DDX53: variants seen among roughly 807,000 people sequenced by gnomAD.
The protein encoded by DDX53 is DEAD-box helicase 53, also known as DEAD box protein 53.
For synonymous variants in DDX53, 179 were observed against 170.8 expected (o/e 1.05, Z -0.37); for missense variants, 481 against 485.1 (o/e 0.99, Z 0.08).
Position 23,000,317 on chromosome X carries a change from G to T in DDX53, c.260G>T (p.Gly87Val). 8.3e-7 allele frequency: 1 copy of T among 1,207,395 alleles called. No homozygotes were observed. Among genetic ancestry groups the T allele is most frequent in the Non-Finnish European group, 1.1e-6 (1 of 894,161 alleles). Reference protein sequence around the residue: ...STNTKIQIINGESEAKVRIFG... With the variant: ...STNTKIQIINVESEAKVRIFG... ...AACACTAAAATACAGATCATAAACG[G>T]GGAATCTGAAGCAAAAGTCAGAATT... The change falls in exon 1 of 1, where the codon GGG becomes GTG. Residue 87 changes from glycine to valine, a missense_variant. Physicochemically the swap from Gly to Val is moderately radical, Grantham distance 109. Coordinates refer to ENST00000327968, the MANE Select transcript of DDX53 (RefSeq NM_182699.4).
Position 23,002,059 on chromosome X carries a change from T to A in DDX53, c.*106T>A. ...CATACTAGCCATTTGAAGACATAAC[T>A]AATTCTTAAATAATACTGCTAAACT... On this transcript the variant is annotated 3_prime_UTR_variant, in exon 1 of 1. Coordinates refer to ENST00000327968, the MANE Select transcript of DDX53 (RefSeq NM_182699.4). The A allele has an allele frequency of 1.5e-6, 1 of 646,437 alleles. No homozygotes were observed. Among genetic ancestry groups the A allele is most frequent in the Non-Finnish European group, 2.2e-6 (1 of 445,923 alleles). 53.3% of individuals were successfully genotyped at this position (646,437 alleles called of 1,213,427 possible).
chrX:23,000,080 G>A lies in DDX53; in HGVS notation c.23G>A (p.Trp8Ter), dbSNP rs1431405884. The A allele has an allele frequency of 8.9e-7, 1 of 1,124,529 alleles. No individual in the cohort carries two copies. The highest frequency in any genetic ancestry group is 1.8e-5 in the African/African-American group (1 of 54,220). 92.7% of individuals were successfully genotyped at this position (1,124,529 alleles called of 1,213,427 possible). A position where few individuals can be genotyped will look rare whatever the true frequency, so the allele number is the denominator to read the frequency against. MSHWAPE[W>*]KRAEANPRDL... Reference sequence around the variant, plus strand: ...ACAATGTCCCACTGGGCCCCAGAGTGGAAGAGGGCGGAGGCTAATCCAAGA... The same window carrying A: ...ACAATGTCCCACTGGGCCCCAGAGTAGAAGAGGGCGGAGGCTAATCCAAGA... Residue 8 changes from tryptophan (W) to a stop codon, truncating the protein, a stop_gained, in exon 1 of 1, where the codon TGG becomes TAG. Transcript: ENST00000327968. LOFTEE classifies it low-confidence loss of function (END_TRUNC).
rs1041423041 is a variant in DDX53, at chrX:23,000,559, T to A, written c.502T>A (p.Trp168Arg). The A allele has an allele frequency of 1.2e-5, 14 of 1,208,691 alleles. No individual in the cohort carries two copies. The South Asian group carries it at 2.3e-4, about 20-fold the overall frequency. ...AAVVECEKRK[W>R]ADLPPVKKNF... ...AGTCGTGGAGTGCGAAAAGAGAAAA[T>A]GGGCAGATCTACCACCAGTTAAGAA... is the stretch of plus-strand genomic sequence containing the variant. The change falls in exon 1 of 1, where the codon TGG becomes AGG. Residue 168 changes from tryptophan (W) to arginine (R), a missense_variant. Coordinates refer to ENST00000327968, the MANE Select transcript of DDX53 (RefSeq NM_182699.4).
Position 23,000,371 on chromosome X carries a change from C to T in DDX53, c.314C>T (p.Ala105Val). 8.3e-7 allele frequency: 1 copy of T among 1,208,747 alleles called. No homozygotes were observed. Among genetic ancestry groups the T allele is most frequent in the East Asian group, 3.0e-5 (1 of 33,809 alleles). The change falls in exon 1 of 1, where the codon GCC becomes GTC. Residue 105 changes from alanine to valine, a missense_variant. Physicochemically the swap from Ala to Val is moderately conservative, Grantham distance 64. Coordinates refer to ENST00000327968, the MANE Select transcript of DDX53 (RefSeq NM_182699.4). ...IFGNREMKAK[A>V]KAAIETLIRK... ...GGCAATAGGGAAATGAAAGCAAAGG[C>T]CAAAGCGGCTATAGAAACACTTATT...
In DDX53 at chrX:23,000,910, G is replaced by T; in HGVS notation, c.853G>T (p.Asp285Tyr). The T allele has an allele frequency of 8.3e-7, 1 of 1,209,698 alleles. No individual in the cohort carries two copies. ...TCTAATGCCTGGGTTTATTCATCTT[G>T]ATTCTCAACCAATATCTAGAGAGCA... Reference protein sequence around the residue: ...SYLMPGFIHLDSQPISREQRN... With the variant: ...SYLMPGFIHLYSQPISREQRN... The change falls in exon 1 of 1, where the codon GAT becomes TAT. Residue 285 changes from aspartate to tyrosine, a missense_variant. Transcript: ENST00000327968.
rs371119636 is a variant in DDX53, at chrX:23,000,811, G to A, written c.754G>A (p.Ala252Thr). The A allele has an allele frequency of 4.1e-6, 5 of 1,211,859 alleles. No individual in the cohort carries two copies. Among genetic ancestry groups the A allele is most frequent in the Non-Finnish European group, 5.6e-6 (5 of 895,490 alleles). The change falls in exon 1 of 1, where the codon GCA (alanine) becomes ACA (threonine). Residue 252 changes from alanine (A) to threonine (T), a missense_variant. Ala to Thr is a moderately conservative substitution (Grantham distance 58, BLOSUM62 0). Transcript: ENST00000327968. ...IVKPTPIQSQ[A>T]WPIILQGIDL... is the part of the protein sequence containing the mutation. Reference sequence around the variant, plus strand: ...AAAGCCAACGCCAATTCAGTCACAGGCATGGCCAATTATTCTACAAGGAAT... The same window carrying A: ...AAAGCCAACGCCAATTCAGTCACAGACATGGCCAATTATTCTACAAGGAAT...
rs1259309706 is a variant in DDX53 at position 23,002,549 on chromosome X, T to C, written c.*596T>C. 8.5e-6 allele frequency: 1 copy of C among 117,832 alleles called. No homozygotes were observed. Among genetic ancestry groups the C allele is most frequent in the East Asian group, 2.9e-4 (1 of 3,396 alleles). 9.7% of individuals were successfully genotyped at this position (117,832 alleles called of 1,213,427 possible). ...TGAAGAGAAAGTAAATGTTACGTGT[T>C]GGTTAAAGTTTAATTTCTCTTAAAA... On this transcript the variant is annotated 3_prime_UTR_variant, in exon 1 of 1. Transcript: ENST00000327968.
Position 22,999,977 on chromosome X carries a change from G to A in DDX53, c.-81G>A, listed in dbSNP as rs1933779992. The A allele has an allele frequency of 1.2e-6, 1 of 848,446 alleles. No homozygotes were observed. Among genetic ancestry groups the A allele is most frequent in the Non-Finnish European group, 1.5e-6 (1 of 649,160 alleles). 69.9% of individuals were successfully genotyped at this position (848,446 alleles called of 1,213,427 possible). A position where few individuals can be genotyped will look rare whatever the true frequency, so the allele number is the denominator to read the frequency against. On this transcript the variant is annotated 5_prime_UTR_variant, in exon 1 of 1. In the 5' UTR this introduces an upstream ATG that the reference lacks. Transcript: ENST00000327968. ...CCACCGCCATCTTTTGGTGCAGAAG[G>A]TGACGGGAAACAGGCCGCAGACCTG... is the stretch of plus-strand genomic sequence containing the variant.
rs1036606790 is a variant in DDX53, at chrX:23,001,458, C to A, written c.1401C>A (p.Asn467Lys). 1 of 1,210,833 alleles carries A rather than the reference C, an allele frequency of 8.3e-7. No individual in the cohort carries two copies. Among genetic ancestry groups the A allele is most frequent in the Non-Finnish European group, 1.1e-6 (1 of 894,950 alleles). Residue 467 changes from asparagine to lysine, a missense_variant, in exon 1 of 1, where the codon AAC becomes AAA. Transcript: ENST00000327968. ...AATTCGTAGAGAACATGTCACCCAA[C>A]GACAAAGTCATCATGTTTGTCAGCC... ...TQEFVENMSP[N>K]DKVIMFVSQK...
chrX:23,001,859 C>G lies in DDX53; in HGVS notation c.1802C>G (p.Ala601Gly). ...GTTCCGGAAGATCTTGTAGTAATGG[C>G]TGAGCAATACAAGTTAAATCAACAA... Reference protein sequence around the residue: ...QSVPEDLVVMAEQYKLNQQKR... With the variant: ...QSVPEDLVVMGEQYKLNQQKR... Residue 601 changes from alanine to glycine, a missense_variant, in exon 1 of 1, where the codon GCT (alanine) becomes GGT (glycine). Coordinates refer to ENST00000327968, the MANE Select transcript of DDX53 (RefSeq NM_182699.4). 4.1e-6 allele frequency: 5 copies of G among 1,210,316 alleles called. No homozygotes were observed. The highest frequency in any genetic ancestry group is 5.6e-6 in the Non-Finnish European group (5 of 894,831).
rs376545166 is a variant in DDX53, at chrX:23,001,832, G to A, written c.1775G>A (p.Ser592Asn). Reference protein sequence around the residue: ...LIKILDRANQSVPEDLVVMAE... With the variant: ...LIKILDRANQNVPEDLVVMAE... ...AAAATTCTGGACAGAGCAAATCAGA[G>A]TGTTCCGGAAGATCTTGTAGTAATG... Residue 592 changes from serine to asparagine, a missense_variant, in exon 1 of 1, where the codon AGT becomes AAT. Physicochemically the swap from Ser to Asn is conservative, Grantham distance 46. Transcript: ENST00000327968. 2.5e-6 allele frequency: 3 copies of A among 1,211,619 alleles called. No homozygotes were observed. Among genetic ancestry groups the A allele is most frequent in the Non-Finnish European group, 2.2e-6 (2 of 895,414 alleles).
rs1319049258 is a variant in DDX53 at position 23,003,157 on chromosome X, G to C, written c.*1204G>C. 8.1e-6 allele frequency: 1 copy of C among 124,000 alleles called. No individual in the cohort carries two copies. Among genetic ancestry groups the C allele is most frequent in the Non-Finnish European group, 1.9e-5 (1 of 53,406 alleles). The allele number at this position is 124,000 out of a possible 1,213,427, so 10.2% of individuals were successfully genotyped here. On this transcript the variant is annotated 3_prime_UTR_variant, in exon 1 of 1. Coordinates refer to ENST00000327968, the MANE Select transcript of DDX53 (RefSeq NM_182699.4). The stretch of plus-strand genomic sequence containing the variant: ...ATAGCTTCAAGCTTATCCAGTCAAA[G>C]TATTCTCTTTTCCCCCGAGCAGTTG...
Position 23,002,235 on chromosome X carries a change from G to A in DDX53, c.*282G>A. On this transcript the variant is annotated 3_prime_UTR_variant, in exon 1 of 1. Coordinates refer to ENST00000327968, the MANE Select transcript of DDX53 (RefSeq NM_182699.4). ...TTTAGGTTTGGGGGTATATGTGAAG[G>A]TTTGTTAAAGAAACACGTGCCATGG... 1 of 220,935 alleles carries A rather than the reference G, an allele frequency of 4.5e-6. No individual in the cohort carries two copies. The highest frequency in any genetic ancestry group is 1.5e-3 in the Middle Eastern group (1 of 673). The allele number at this position is 220,935 out of a possible 1,213,427, so 18.2% of individuals were successfully genotyped here. A position where few individuals can be genotyped will look rare whatever the true frequency, so the allele number is the denominator to read the frequency against.
rs1168549370 is a variant in DDX53, at chrX:23,000,595, A to G, written c.538A>G (p.Ile180Val). ...ACCACCAGTTAAGAAAAACTTTTAC[A>G]TAGAATCCAAAGCAACAAGCTGCAT... ...DLPPVKKNFY[I>V]ESKATSCMSE... Residue 180 changes from isoleucine to valine, a missense_variant, in exon 1 of 1, where the codon ATA (isoleucine) becomes GTA (valine). Physicochemically the swap from Ile to Val is conservative, Grantham distance 29. Coordinates refer to ENST00000327968, the MANE Select transcript of DDX53 (RefSeq NM_182699.4). 4 of 1,211,560 alleles carry G rather than the reference A, an allele frequency of 3.3e-6. No homozygotes were observed. The highest frequency in any genetic ancestry group is 2.2e-5 in the Admixed American group (1 of 46,000).
At position 23,001,259 on chromosome X, in the gene DDX53, G is replaced by A. The variant is rs139447736; in HGVS notation, c.1202G>A (p.Arg401Gln). 6 of 1,209,590 alleles carry A rather than the reference G, an allele frequency of 5.0e-6. No homozygotes were observed. Among genetic ancestry groups the A allele is most frequent in the African/African-American group, 3.5e-5 (2 of 57,193 alleles). ...RKILLDVRPD[R>Q]QTVMTSATWP... ...ATTTTATTAGATGTGCGCCCAGACCGACAGACTGTTATGACAAGTGCAACT... is the reference window on the plus strand; with the variant it reads ...ATTTTATTAGATGTGCGCCCAGACCAACAGACTGTTATGACAAGTGCAACT... The change falls in exon 1 of 1, where the codon CGA (arginine) becomes CAA (glutamine). Residue 401 changes from arginine to glutamine, a missense_variant. Arg to Gln is a conservative substitution (Grantham distance 43, BLOSUM62 1). Coordinates refer to ENST00000327968, the MANE Select transcript of DDX53 (RefSeq NM_182699.4).
chrX:23,000,567 T>C lies in DDX53; in HGVS notation c.510T>C (p.Asp170=), dbSNP rs925581090. The C allele has an allele frequency of 8.3e-7, 1 of 1,210,781 alleles. No individual in the cohort carries two copies. The highest frequency in any genetic ancestry group is 1.1e-6 in the Non-Finnish European group (1 of 895,238). ...AGTGCGAAAAGAGAAAATGGGCAGATCTACCACCAGTTAAGAAAAACTTTT... is the reference window on the plus strand; with the variant it reads ...AGTGCGAAAAGAGAAAATGGGCAGACCTACCACCAGTTAAGAAAAACTTTT... ...VVECEKRKWA[D]LPPVKKNFYI... The change falls in exon 1 of 1, where the codon GAT becomes GAC. Residue 170 remains aspartate (D), a synonymous_variant. Transcript: ENST00000327968.
rs1933798059 is a variant in DDX53 at position 23,000,825 on chromosome X, T to C, written c.768T>C (p.Ile256=). 4 of 1,211,772 alleles carry C rather than the reference T, an allele frequency of 3.3e-6. No individual in the cohort carries two copies. In the East Asian group the frequency reaches 1.2e-4, roughly 36 times the overall value. ...TTCAGTCACAGGCATGGCCAATTATTCTACAAGGAATAGATCTTATAGTAG... is the reference window on the plus strand; with the variant it reads ...TTCAGTCACAGGCATGGCCAATTATCCTACAAGGAATAGATCTTATAGTAG... ...TPIQSQAWPI[I]LQGIDLIVVA... The change falls in exon 1 of 1, where the codon ATT becomes ATC. Residue 256 remains isoleucine, a synonymous_variant. Coordinates refer to ENST00000327968, the MANE Select transcript of DDX53 (RefSeq NM_182699.4).
In DDX53 at chrX:23,002,003, G is replaced by A. The variant is rs762280181; in HGVS notation, c.*50G>A. On this transcript the variant is annotated 3_prime_UTR_variant, in exon 1 of 1. Coordinates refer to ENST00000327968, the MANE Select transcript of DDX53 (RefSeq NM_182699.4). The stretch of plus-strand genomic sequence containing the variant: ...ATTCCAGGCATGTTAAAGATATGCA[G>A]TATTGAATATATGTAAGGAAGTATT... 7 of 992,019 alleles carry A rather than the reference G, an allele frequency of 7.1e-6. No individual in the cohort carries two copies. In the East Asian group the frequency reaches 2.2e-4, roughly 31 times the overall value. The allele number at this position is 992,019 out of a possible 1,213,427, so 81.8% of individuals were successfully genotyped here. A position where few individuals can be genotyped will look rare whatever the true frequency, so the allele number is the denominator to read the frequency against.
Position 23,000,664 on chromosome X carries a change from A to G in DDX53, c.607A>G (p.Ile203Val), listed in dbSNP as rs1292927708. The change falls in exon 1 of 1, where the codon ATA becomes GTA. Residue 203 changes from isoleucine to valine, a missense_variant. Physicochemically the swap from Ile to Val is conservative, Grantham distance 29. Coordinates refer to ENST00000327968, the MANE Select transcript of DDX53 (RefSeq NM_182699.4). ...VINWRKENFN[I>V]TCDDLKSGEK... Reference sequence around the variant, plus strand: ...TAACTGGAGAAAGGAAAATTTCAACATAACGTGTGATGACTTGAAAAGTGG... The same window carrying G: ...TAACTGGAGAAAGGAAAATTTCAACGTAACGTGTGATGACTTGAAAAGTGG... The G allele has an allele frequency of 1.3e-5, 16 of 1,210,699 alleles. No homozygotes were observed. The highest frequency in any genetic ancestry group is 1.8e-5 in the Non-Finnish European group (16 of 895,399).
Sources: allele counts gnomAD v4.1 joint callset, GRCh38; gene constraint gnomAD v4.1.1; transcripts MANE v1.5; gene names NCBI Gene and HGNC (gene_info 2026-07-23, HGNC 2026-07-21).